The following PI15 variants were observed in gnomAD, a reference collection of about 807,000 sequenced individuals.
PI15 encodes peptidase inhibitor 15, also known as 25 kDa trypsin inhibitor.
Under a neutral mutation model 31.0 loss-of-function variants are expected in PI15, and 18 were observed. The ratio of observed to expected loss-of-function variants is 0.58; its 90% CI spans 0.40 to 0.86. The LOEUF (loss-of-function observed/expected upper bound fraction) is 0.86. PI15 is among the 40% of genes least tolerant of loss of function. PI15 has a pLI of 0.00. For synonymous variants in PI15, 118 were observed against 119.1 expected, an observed-to-expected ratio of 0.99 and a Z score of 0.06; for missense variants, 282 against 328.1, an observed-to-expected ratio of 0.86 and a Z score of 1.09.
At chr8:74,826,090 C>A (rs1294575255) in intron 2 of PI15, among the ~76,000 whole-genome samples, 1 of 151,982 alleles carries the variant, frequency 6.6e-6, no homozygotes, top group African/African-American at 2.4e-5. Flanking sequence ...CTTTGCTGTC[C>A]AGATAACAGT....
intron 2 of PI15, among the ~76,000 whole-genome samples, chr8:74,834,199 G>A (rs1025440342): frequency 6.6e-6 from 1 of 152,112 alleles, no homozygotes; most frequent in African/African-American, 2.4e-5. Context: ...TAAAGTACCT[G>A]TTCCTCTTCC....
rs149425653 is a variant in PI15 at position 74,850,014 on chromosome 8, A to T, written c.*761A>T. ...TGCTAGTTATATTCTAATAATGCAGAGATAATTAGACATGGTTCCCGCCCT... is the reference window on the plus strand; with the variant it reads ...TGCTAGTTATATTCTAATAATGCAGTGATAATTAGACATGGTTCCCGCCCT... On this transcript the variant is annotated 3_prime_UTR_variant, in exon 6 of 6. Transcript: ENST00000260113. 1.9e-3 allele frequency: 284 copies of T among 152,322 alleles called. 2 individuals are homozygous for T. Among genetic ancestry groups the T allele is most frequent in the African/African-American group, 6.3e-3 (262 of 41,576 alleles). 9.4% of individuals were successfully genotyped at this position (152,322 alleles called of 1,614,324 possible). A position where few individuals can be genotyped will look rare whatever the true frequency, so the allele number is the denominator to read the frequency against.
intron 2 of PI15, among the ~76,000 whole-genome samples, chr8:74,835,105 T>C (rs1810843338): frequency 6.6e-6 from 1 of 152,212 alleles, no homozygotes; most frequent in Non-Finnish European, 1.5e-5. Context: ...AGTTGAATTT[T>C]AGACTAATTT....
At chr8:74,842,002 G>T (rs1014371858) in intron 2 of PI15, among the ~76,000 whole-genome samples, 1 of 149,020 alleles carries the variant, frequency 6.7e-6, no homozygotes, top group African/African-American at 2.4e-5. Flanking sequence ...AGGGTCTCTT[G>T]AAGAGTTTAT....
At chr8:74,841,646 T>A (rs992892381) in intron 2 of PI15, among the ~76,000 whole-genome samples, 15 of 152,212 alleles carry the variant, frequency 9.9e-5, no homozygotes, top group African/African-American at 3.4e-4. Context: ...GTTAATAACC[T>A]TTTAGGGGAC....
Position 74,825,362 on chromosome 8 carries a change from CTGATATTGAAGCAGCTCTGAAAGCA to C in PI15, c.114_138del (p.Asp39AsnfsTer2). ...TCATCCCCGCCAACCAATAATTTCA[CTGATATTGAAGCAGCTCTGAAAGCA>C]CAATTAGATTCAGCGGATATCCCCA... On this transcript the variant is annotated frameshift_variant, in exon 2 of 6. Coordinates refer to ENST00000260113, the MANE Select transcript of PI15 (RefSeq NM_015886.5). LOFTEE classifies it high-confidence loss of function. The C allele has an allele frequency of 6.2e-7, 1 of 1,613,476 alleles. No individual in the cohort carries two copies. The highest frequency in any genetic ancestry group is 8.5e-7 in the Non-Finnish European group (1 of 1,179,604).
In PI15 at chr8:74,851,267, G is replaced by A. The variant is rs990771240; in HGVS notation, c.*2014G>A. 1 of 152,022 alleles carries A rather than the reference G, an allele frequency of 6.6e-6. No individual in the cohort carries two copies. Among genetic ancestry groups the A allele is most frequent in the Non-Finnish European group, 1.5e-5 (1 of 67,948 alleles). 9.4% of individuals were successfully genotyped at this position (152,022 alleles called of 1,614,324 possible). A position where few individuals can be genotyped will look rare whatever the true frequency, so the allele number is the denominator to read the frequency against. On this transcript the variant is annotated 3_prime_UTR_variant, in exon 6 of 6. Transcript: ENST00000260113. ...ATATATCTAAACAATTGAAAGGGAA[G>A]CTTATTCATGGAATATTGGCTTGAT... is the stretch of plus-strand genomic sequence containing the variant.
rs7835875 is a variant in PI15 at position 74,843,480 on chromosome 8, C to T, written c.274-501C>T. On this transcript the variant is annotated intron_variant, in intron 2 of 5. Coordinates refer to ENST00000260113, the MANE Select transcript of PI15 (RefSeq NM_015886.5). ...TGGTGGCTCATGCCTGTAATCCCCACGCTTTGGGAGGCCAAGGCGGGTGGA... is the reference window on the plus strand; with the variant it reads ...TGGTGGCTCATGCCTGTAATCCCCATGCTTTGGGAGGCCAAGGCGGGTGGA... Among the ~76,000 whole-genome samples the T allele has an allele frequency of 1.7e-3, 258 of 152,298 alleles. 3 individuals carry two copies. Among genetic ancestry groups the T allele is most frequent in the South Asian group, 8.3e-3 (40 of 4,830 alleles).
In PI15 at chr8:74,849,440, T is replaced by A; in HGVS notation, c.*187T>A. On this transcript the variant is annotated 3_prime_UTR_variant, in exon 6 of 6. Coordinates refer to ENST00000260113, the MANE Select transcript of PI15 (RefSeq NM_015886.5). The stretch of plus-strand genomic sequence containing the variant: ...TTAATCCTTTGAAATATTTGAAACA[T>A]CAATTTCTATTTTCTGACCTCTAAG... 2.1e-6 allele frequency: 1 copy of A among 467,428 alleles called. No individual in the cohort carries two copies. The allele number at this position is 467,428 out of a possible 1,614,324, so 29.0% of individuals were successfully genotyped here.
At chr8:74,842,987 C>G (rs1033181545) in intron 2 of PI15, among the ~76,000 whole-genome samples, 1 of 151,914 alleles carries the variant, frequency 6.6e-6, no homozygotes, top group Admixed American at 6.6e-5. Context: ...TTTTTATTAC[C>G]ACCAATGATT....
At chr8:74,828,992 T>C (rs913542170) in intron 2 of PI15, among the ~76,000 whole-genome samples, 1 of 152,104 alleles carries the variant, frequency 6.6e-6, no homozygotes, top group African/African-American at 2.4e-5. Flanking sequence ...ACTCTTATCA[T>C]GTCTTGCTCT....
chr8:74,828,303 T>C (rs1810728754), intron 2 of PI15, among the ~76,000 whole-genome samples: 1 of 151,726 alleles, frequency 6.6e-6, no homozygotes, highest in African/African-American at 2.4e-5. Flanking sequence ...GAGTGAGGAG[T>C]CTAGACAAAG....
intron 2 of PI15, among the ~76,000 whole-genome samples, chr8:74,829,687 G>GATAT (rs1223836672): frequency 6.6e-6 from 1 of 151,986 alleles, no homozygotes; most frequent in African/African-American, 2.4e-5. Context: ...TTCCACTAAG[G>GATAT]ATATAATTCA....
At chr8:74,825,035 T>C (rs1639115437) in intron 1 of PI15, 175 bp from the exon 2 acceptor site, 1 of 620,092 alleles carries the variant, frequency 1.6e-6, no homozygotes, top group Admixed American at 2.5e-5. Context: ...CTCATGACAC[T>C]AAAAAATGAA....
chr8:74,839,848 A>T (rs1374219601), intron 2 of PI15, among the ~76,000 whole-genome samples: 1 of 147,810 alleles, frequency 6.8e-6, no homozygotes, highest in African/African-American at 2.7e-5. Context: ...TAAATGCTAC[A>T]AACACTCAGA....
intron 4 of PI15, 51 bp from the exon 5 acceptor site, chr8:74,845,331 G>A: frequency 6.3e-7 from 1 of 1,576,344 alleles, no homozygotes; most frequent in Non-Finnish European, 8.7e-7. Flanking sequence ...TGGTGGACAT[G>A]CATTGTCTTA....
Position 74,825,259 on chromosome 8 carries a change from A to C in PI15, c.10A>C (p.Ile4Leu), listed in dbSNP as rs138417811. 46 of 1,612,626 alleles carry C rather than the reference A, an allele frequency of 2.9e-5. No individual in the cohort carries two copies. The highest frequency in any genetic ancestry group is 1.0e-4 in the Admixed American group (6 of 59,914). The change falls in exon 2 of 6, where the codon ATC becomes CTC. Residue 4 changes from isoleucine to leucine, a missense_variant. Ile to Leu is a conservative substitution (Grantham distance 5). Coordinates refer to ENST00000260113, the MANE Select transcript of PI15 (RefSeq NM_015886.5). ...TTCTCCACCCCTCAAAATGATAGCA[A>C]TCTCTGCCGTCAGCAGTGCACTCCT... MIA[I>L]SAVSSALLFS...
In PI15 at chr8:74,825,512, T is replaced by C; in HGVS notation, c.263T>C (p.Met88Thr). Residue 88 changes from methionine (M) to threonine (T), a missense_variant, in exon 2 of 6, where the codon ATG (methionine) becomes ACG (threonine). Physicochemically the swap from Met to Thr is moderately conservative, Grantham distance 81. Coordinates refer to ENST00000260113, the MANE Select transcript of PI15 (RefSeq NM_015886.5). ...RGKVFPPAANMEYMVWDENLA... is the reference protein window; with the variant it reads ...RGKVFPPAANTEYMVWDENLA... ...AAAGTGTTCCCACCGGCAGCAAATA[T>C]GGAATATATGGTAAGAAGAATTCTT... 1.2e-6 allele frequency: 2 copies of C among 1,609,310 alleles called. No homozygotes were observed. Among genetic ancestry groups the C allele is most frequent in the Non-Finnish European group, 1.7e-6 (2 of 1,177,382 alleles).
At chr8:74,827,706 A>T (rs1264274821) in intron 2 of PI15, among the ~76,000 whole-genome samples, 1 of 152,176 alleles carries the variant, frequency 6.6e-6, no homozygotes, top group Non-Finnish European at 1.5e-5. Flanking sequence ...CCATGGCAGG[A>T]CCCCTGAAGA....
Sources: allele counts gnomAD v4.1 joint callset (sites outside exome capture counted in the v4.1 genomes callset), GRCh38; gene constraint gnomAD v4.1.1; transcripts MANE v1.5; gene names NCBI Gene and HGNC (gene_info 2026-07-23, HGNC 2026-07-21).